TMED3: variants seen among roughly 807,000 people sequenced by gnomAD.
TMED3 encodes transmembrane p24 trafficking protein 3, also known as transmembrane emp24 domain-containing protein 3.
In TMED3, 9 loss-of-function variants were observed where a neutral mutation model predicts 15.0. That is an observed-to-expected ratio of 0.60 (90% confidence interval 0.36 to 1.04). The LOEUF (loss-of-function observed/expected upper bound fraction) is 1.04, where lower values mean the gene tolerates loss of function less well. TMED3 is among the 50% of genes least tolerant of loss of function. TMED3 has a pLI of 0.01. For missense variants in TMED3, 267 were observed against 278.9 expected, an observed-to-expected ratio of 0.96 and a Z score of 0.30; for synonymous variants, 117 against 121.4, an observed-to-expected ratio of 0.96 and a Z score of 0.24.
chr15:79,355,020 C>G (rs1203298983), intron 2 of TMED3, among the ~76,000 whole-genome samples: 4 of 152,102 alleles, frequency 2.6e-5, no homozygotes, highest in Non-Finnish European at 5.9e-5. Context: ...AGAGGTCTTG[C>G]CTACCCTTGC....
chr15:79,325,803 G>A (rs1204616817), downstream of TMED3, among the ~76,000 whole-genome samples: 1 of 152,178 alleles, frequency 6.6e-6, no homozygotes, highest in Non-Finnish European at 1.5e-5. Flanking sequence ...GCAGTCTGAT[G>A]TCCAAGGGCA....
intron 2 of TMED3, among the ~76,000 whole-genome samples, chr15:79,357,100 A>T (rs965210412): frequency 2.0e-5 from 3 of 152,202 alleles, no homozygotes; most frequent in Admixed American, 6.5e-5. Context: ...TTATATGTGT[A>T]TGAGCATTTG....
chr15:79,403,228 A>AC (rs1250988253), intron 2 of TMED3, among the ~76,000 whole-genome samples: 5 of 130,492 alleles, frequency 3.8e-5, no homozygotes, highest in African/African-American at 7.7e-5. Context: ...CTCAAAAAAA[A>AC]AAAAAAAAAA....
In TMED3 at chr15:79,341,414, G is replaced by C. The variant is rs577875920; in HGVS notation, c.417+27409G>C. On this transcript the variant is annotated intron_variant, in intron 2 of 2. Coordinates refer to the TMED3 transcript ENST00000424155. The stretch of plus-strand genomic sequence containing the variant: ...AGAGGATGCAAGGGCCAGCAAAGGA[G>C]CCTTACCATAATATAAAGATTGCCA... Among the ~76,000 whole-genome samples the C allele has an allele frequency of 2.0e-5, 3 of 152,146 alleles. No homozygotes were observed. The South Asian group carries it at 6.2e-4, about 32-fold the overall frequency.
At chr15:79,364,201 T>C (rs1893185046) in intron 2 of TMED3, among the ~76,000 whole-genome samples, 1 of 152,120 alleles carries the variant, frequency 6.6e-6, no homozygotes. Flanking sequence ...TGGGACTGGG[T>C]TCCCTATTTG....
At chr15:79,313,663 A>C (rs2058727189) in intron 1 of TMED3, 94 bp from the exon 2 acceptor site, 1 of 1,464,664 alleles carries the variant, frequency 6.8e-7, no homozygotes, top group Non-Finnish European at 9.1e-7. Context: ...ATGAAGTGAC[A>C]GAAATGTTTG....
At chr15:79,373,533 G>T (rs1595903966) in intron 2 of TMED3, among the ~76,000 whole-genome samples, 1 of 143,448 alleles carries the variant, frequency 7.0e-6, no homozygotes, top group East Asian at 2.0e-4. Context: ...TACAAAGCAA[G>T]AGACAGCCTC....
chr15:79,352,664 G>GA (rs146674672), intron 2 of TMED3, among the ~76,000 whole-genome samples: 31,935 of 122,486 alleles, frequency 0.26, 3,836 homozygotes, highest in South Asian at 0.33. Flanking sequence ...CATTAACTAA[G>GA]AAAAAAAAAA....
At chr15:79,369,093 TAAA>T (rs34005997) in intron 2 of TMED3, among the ~76,000 whole-genome samples, 5 of 128,586 alleles carry the variant, frequency 3.9e-5, no homozygotes, top group Non-Finnish European at 4.8e-5. Context: ...GACTCTGTCT[TAAA>T]AAAAAAAAAA....
intron 2 of TMED3, among the ~76,000 whole-genome samples, chr15:79,404,741 A>T (rs1290498024): frequency 6.6e-6 from 1 of 152,062 alleles, no homozygotes; most frequent in Non-Finnish European, 1.5e-5. Context: ...TTCTCCTTCC[A>T]CTCAAACTTG....
chr15:79,351,980 CATT>C (rs1194419941), intron 2 of TMED3, among the ~76,000 whole-genome samples: 6 of 151,242 alleles, frequency 4.0e-5, no homozygotes, highest in Non-Finnish European at 5.9e-5. Flanking sequence ...GAAAATCAAA[CATT>C]ATATGTTCTT....
chr15:79,339,311 G>A (rs1244055551), intron 2 of TMED3, among the ~76,000 whole-genome samples: 2 of 152,132 alleles, frequency 1.3e-5, no homozygotes, highest in Non-Finnish European at 2.9e-5. Flanking sequence ...TATCAGTGCA[G>A]CCTGGCATTC....
chr15:79,411,465 A>G (rs1595914578), exon 3 of TMED3: 1 of 702,506 alleles, frequency 1.4e-6, no homozygotes, highest in Non-Finnish European at 2.6e-6. Flanking sequence ...CAGGCGGAAC[A>G]CCTGCCACCG....
At chr15:79,339,021 G>A (rs1225043769) in intron 2 of TMED3, among the ~76,000 whole-genome samples, 2 of 152,160 alleles carry the variant, frequency 1.3e-5, no homozygotes, top group African/African-American at 2.4e-5. Context: ...GTCTCCCTGT[G>A]ATGCTGTGCT....
At chr15:79,369,115 T>G (rs1464373649) in intron 2 of TMED3, among the ~76,000 whole-genome samples, 1 of 146,984 alleles carries the variant, frequency 6.8e-6, no homozygotes, top group African/African-American at 2.5e-5. Context: ...AAAAAAGAAA[T>G]GCAAATATAG....
intron 2 of TMED3, among the ~76,000 whole-genome samples, chr15:79,376,175 T>C (rs1893423635): frequency 6.9e-6 from 1 of 145,772 alleles, no homozygotes; most frequent in Non-Finnish European, 1.5e-5. Flanking sequence ...AGTGGCGCGA[T>C]CTCGGCTCAC....
At chr15:79,344,138 G>T (rs1745458489) in intron 2 of TMED3, among the ~76,000 whole-genome samples, 1 of 152,060 alleles carries the variant, frequency 6.6e-6, no homozygotes, top group African/African-American at 2.4e-5. Flanking sequence ...AAGAAGAGAA[G>T]GTCAAATAGA....
At chr15:79,390,307 G>T (rs1567038751) in intron 2 of TMED3, among the ~76,000 whole-genome samples, 1 of 152,046 alleles carries the variant, frequency 6.6e-6, no homozygotes, top group Non-Finnish European at 1.5e-5. Flanking sequence ...AAGCAATGAT[G>T]GATTTTGTCA....
At chr15:79,407,752 CTA>C (rs1280944443) in intron 2 of TMED3, among the ~76,000 whole-genome samples, 2 of 152,206 alleles carry the variant, frequency 1.3e-5, no homozygotes, top group African/African-American at 4.8e-5. Flanking sequence ...TCTGCAAAGT[CTA>C]AAACATTTTT....
Sources: gnomAD v4.1 joint callset for allele counts (sites outside exome capture counted in the v4.1 genomes callset) on GRCh38, gnomAD v4.1.1 for gene constraint, MANE v1.5 for transcripts, NCBI Gene and HGNC (gene_info 2026-07-23, HGNC 2026-07-21) for gene names.